The following SFI1 variants were observed in gnomAD, a reference collection of about 807,000 sequenced individuals.
SFI1 encodes the protein protein SFI1 homolog.
A neutral mutation model predicts 207.5 loss-of-function variants in SFI1; 195 were observed. That is an observed-to-expected ratio of 0.94 (90% CI 0.84 to 1.06). The LOEUF (loss-of-function observed/expected upper bound fraction) is 1.06, where lower values mean the gene tolerates loss of function less well. Ranked by LOEUF, SFI1 falls within the 50% of genes least tolerant of loss-of-function variation. The pLI, the probability that SFI1 is intolerant of heterozygous loss-of-function variation, is 0.00. For synonymous variants in SFI1, 630 were observed against 598.9 expected (o/e 1.05, Z -0.76); for missense variants, 1,634 against 1,588.0 (o/e 1.03, Z -0.49).
chr22:31,558,443 T>C (rs1707807395), intron 7 of SFI1, among the ~76,000 whole-genome samples: 1 of 152,038 alleles, frequency 6.6e-6, no homozygotes, highest in African/African-American at 2.4e-5. Context: ...CTAATTAGTA[T>C]GCAGTTTTAC....
chr22:31,612,401 A>AT lies in SFI1; in HGVS notation c.2490+562dup, dbSNP rs1185585786. On this transcript the variant is annotated intron_variant, in intron 24 of 32. Transcript: ENST00000400288. ...TCTAAAAAAAAAAAAAAAAAAAAAT[A>AT]TATATATATATATATATATATATAT... 58 of 62,992 alleles carry AT rather than the reference A, an allele frequency of 9.2e-4. 1 individual carries two copies. The highest frequency in any genetic ancestry group is 3.4e-3 in the African/African-American group (57 of 16,764). The allele number at this position is 62,992 out of a possible 1,614,324, so 3.9% of individuals were successfully genotyped here. A position where few individuals can be genotyped will look rare whatever the true frequency, so the allele number is the denominator to read the frequency against.
chr22:31,556,881 C>A, intron 6 of SFI1, 61 bp from the exon 7 acceptor site: 1 of 1,161,510 alleles, frequency 8.6e-7, no homozygotes, highest in Non-Finnish European at 1.2e-6. Flanking sequence ...GAGCTTTTAT[C>A]ATAACCCAGA....
intron 4 of SFI1, among the ~76,000 whole-genome samples, chr22:31,540,492 G>C (rs1397596651): frequency 2.0e-5 from 3 of 151,658 alleles, no homozygotes; most frequent in African/African-American, 7.3e-5. Flanking sequence ...CTCTTGGCCA[G>C]GCTGGTATTG....
At position 31,616,942 on chromosome 22, in the gene SFI1, T is replaced by C. The variant is rs2295250; in HGVS notation, c.3434-58T>C. The C allele has an allele frequency of 1.9e-5, 30 of 1,613,112 alleles. No individual in the cohort carries two copies. In the East Asian group the frequency reaches 5.6e-4, roughly 30 times the overall value. On this transcript the variant is annotated intron_variant, in intron 30 of 32. Transcript: ENST00000400288. The stretch of plus-strand genomic sequence containing the variant: ...CCACTCCCGGACCTGGGACTTGCTA[T>C]TTACCCTGGTCCCCGAGGGGAAAAT...
intron 6 of SFI1, among the ~76,000 whole-genome samples, chr22:31,552,240 A>G (rs2060693188): frequency 6.6e-6 from 1 of 151,784 alleles, no homozygotes; most frequent in Non-Finnish European, 1.5e-5. Context: ...GTGGTATTCC[A>G]TGGTGTGTAT....
At chr22:31,519,440 T>TC (rs1450227756) in intron 2 of SFI1, among the ~76,000 whole-genome samples, 2 of 151,348 alleles carry the variant, frequency 1.3e-5, no homozygotes, top group Non-Finnish European at 2.9e-5. Flanking sequence ...CTGGCTAATT[T>TC]TTTTTTTTTT....
intron 2 of SFI1, among the ~76,000 whole-genome samples, chr22:31,516,932 CAACAAGAGCGA>C (rs2056606300): frequency 6.6e-6 from 1 of 150,556 alleles, no homozygotes; most frequent in East Asian, 1.9e-4. Context: ...CCAGCCTGGG[CAACAAGAGCGA>C]AACTCAGTCT....
chr22:31,533,531 A>G (rs959378817), intron 4 of SFI1, among the ~76,000 whole-genome samples: 5 of 151,934 alleles, frequency 3.3e-5, no homozygotes, highest in Non-Finnish European at 7.4e-5. Context: ...GTCTCAAAAA[A>G]GTTGTAGCGT....
chr22:31,497,044 G>A (rs969623715), intron 1 of SFI1, among the ~76,000 whole-genome samples: 4 of 152,316 alleles, frequency 2.6e-5, no homozygotes, highest in Admixed American at 6.5e-5. Flanking sequence ...GCTGGTATAT[G>A]GGCGACCTTA....
chr22:31,572,889 C>T, intron 8 of SFI1, 169 bp from the exon 9 acceptor site: 1 of 575,074 alleles, frequency 1.7e-6, no homozygotes, highest in Non-Finnish European at 3.0e-6. Context: ...TCTTAAAGAC[C>T]CTTTTACCCC....
At chr22:31,606,693 CTTTTTTTTTTTTTT>C (rs10524692) in intron 21 of SFI1, 26 of 115,500 alleles carry the variant, frequency 2.3e-4, no homozygotes, top group South Asian at 1.2e-3. Context: ...TTCTTTTTTT[CTTTTTTTTTTTTTT>C]TTTTTTTTTG....
chr22:31,571,920 G>C (rs530886281), intron 8 of SFI1, among the ~76,000 whole-genome samples: 10 of 151,862 alleles, frequency 6.6e-5, no homozygotes, highest in African/African-American at 2.4e-4. Context: ...TTTAGGATAG[G>C]AAAAATAATA....
intron 15 of SFI1, among the ~76,000 whole-genome samples, chr22:31,593,401 G>C (rs1212383844): frequency 4.5e-4 from 63 of 141,002 alleles, no homozygotes; most frequent in African/African-American, 1.5e-3. Flanking sequence ...GACGATGGGC[G>C]GCCGGGCAGA....
At position 31,602,641 on chromosome 22, in the gene SFI1, G is replaced by A. The variant is rs374785479; in HGVS notation, c.1661G>A (p.Arg554Lys). Residue 554 changes from arginine (R) to lysine (K), a missense_variant, in exon 17 of 33, where the codon AGG (arginine) becomes AAG (lysine). Coordinates refer to ENST00000400288, the MANE Select transcript of SFI1 (RefSeq NM_001007467.3). ...CACGCAGAGCGACAGCTTCTGTATA[G>A]GTCTTGGTTCATGTGGCACCAGCAG... ...ILHAERQLLY[R>K]SWFMWHQQAA... The A allele has an allele frequency of 5.0e-6, 8 of 1,614,084 alleles. No homozygotes were observed. The highest frequency in any genetic ancestry group is 6.8e-6 in the Non-Finnish European group (8 of 1,180,058).
At position 31,561,235 on chromosome 22, in the gene SFI1, C is replaced by G; in HGVS notation, c.663-55C>G. ...GAGGCCCCACACTAACTGCTCCTCTCTTTCCTGAGTGGCTTTTTACTGATG... is the reference window on the plus strand; with the variant it reads ...GAGGCCCCACACTAACTGCTCCTCTGTTTCCTGAGTGGCTTTTTACTGATG... On this transcript the variant is annotated intron_variant, in intron 7 of 32. Transcript: ENST00000400288. 4.6e-6 allele frequency: 7 copies of G among 1,536,852 alleles called. No individual in the cohort carries two copies. The South Asian group carries it at 8.2e-5, about 18-fold the overall frequency.
chr22:31,611,160 T>C lies in SFI1; in HGVS notation c.2272T>C (p.Phe758Leu). The change falls in exon 23 of 33, where the codon TTT becomes CTT. Residue 758 changes from phenylalanine to leucine, a missense_variant. Coordinates refer to ENST00000400288, the MANE Select transcript of SFI1 (RefSeq NM_001007467.3). Reference protein sequence around the residue: ...VLDRGCLRTWFQRWWDCSRRS... With the variant: ...VLDRGCLRTWLQRWWDCSRRS... ...TGCCTTAGGCTGTCTGCGGACCTGG[T>C]TTCAGCGCTGGTGGGACTGCAGCCG... 6.2e-7 allele frequency: 1 copy of C among 1,614,094 alleles called. No individual in the cohort carries two copies. The highest frequency in any genetic ancestry group is 8.5e-7 in the Non-Finnish European group (1 of 1,180,022).
chr22:31,567,947 C>T (rs899764583), intron 8 of SFI1, among the ~76,000 whole-genome samples: 5 of 152,076 alleles, frequency 3.3e-5, no homozygotes, highest in African/African-American at 1.2e-4. Flanking sequence ...TCTAAAACCA[C>T]ATTCTTAGTA....
In SFI1 at chr22:31,612,378, T is replaced by TGAAAAAAAAA. The variant is rs1220311850; in HGVS notation, c.2490+538_2490+539insGAAAAAAAAA. ...CCGGGCAACAGAGCGAGACTCTGTCTAAAAAAAAAAAAAAAAAAAAATATA... is the reference window on the plus strand; with the variant it reads ...CCGGGCAACAGAGCGAGACTCTGTCTGAAAAAAAAAAAAAAAAAAAAAAAAAAAAAATATA... On this transcript the variant is annotated intron_variant, in intron 24 of 32. Transcript: ENST00000400288. 1.8e-4 allele frequency: 11 copies of TGAAAAAAAAA among 62,262 alleles called. 4 individuals are homozygous for TGAAAAAAAAA. The highest frequency in any genetic ancestry group is 7.4e-4 in the African/African-American group (8 of 10,834). The allele number at this position is 62,262 out of a possible 1,614,324, so 3.9% of individuals were successfully genotyped here.
intron 4 of SFI1, among the ~76,000 whole-genome samples, chr22:31,532,380 G>A (rs1430662982): frequency 1.3e-5 from 2 of 152,212 alleles, no homozygotes; most frequent in African/African-American, 4.8e-5. Context: ...CTGCAAGAGA[G>A]AGTCACAGGA....
Sources: gnomAD v4.1 joint callset for allele counts (sites outside exome capture counted in the v4.1 genomes callset) on GRCh38, gnomAD v4.1.1 for gene constraint, MANE v1.5 for transcripts, NCBI Gene and HGNC (gene_info 2026-07-23, HGNC 2026-07-21) for gene names.